PRKAR1B: variants seen among roughly 807,000 people sequenced by gnomAD.
The protein encoded by PRKAR1B is cAMP-dependent protein kinase type I-beta regulatory subunit.
Under a neutral mutation model 46.5 loss-of-function variants are expected in PRKAR1B, and 22 were observed. That is an observed-to-expected ratio of 0.47 (90% CI 0.34 to 0.68). PRKAR1B has a LOEUF of 0.68. Among genes scored for constraint, PRKAR1B ranks in the 30% least tolerant of loss-of-function variants. PRKAR1B has a pLI of 0.01. For synonymous variants in PRKAR1B, 259 were observed against 217.7 expected (o/e 1.19, Z -1.67); for missense variants, 445 against 535.6 (o/e 0.83, Z 1.67).
rs957096760 is a variant in PRKAR1B, at chr7:727,107, G to A, written c.-23+103C>T. The A allele has an allele frequency of 4.5e-6, 5 of 1,099,212 alleles. No individual in the cohort carries two copies. The highest frequency in any genetic ancestry group is 5.5e-6 in the Non-Finnish European group (5 of 906,378). 68.1% of individuals were successfully genotyped at this position (1,099,212 alleles called of 1,614,324 possible). On this transcript the variant is annotated intron_variant, in intron 1 of 10. Coordinates refer to ENST00000537384, the MANE Select transcript of PRKAR1B (RefSeq NM_001164760.2). ...TCGCCGCGCGCTTGGCCGGCCCCGT[G>A]CCCGCGCGCCGCCCGCCCGAGGCCT...
rs761841270 is a variant in PRKAR1B, at chr7:680,658, C to T, written c.246G>A (p.Val82=). The change falls in exon 3 of 11, where the codon GTG becomes GTA. Residue 82 remains valine, a synonymous_variant. Transcript: ENST00000537384. The part of the protein sequence containing the change: ...NSQSDSHDEE[V]SPTPPNPVVK... ...CCACAGGGTTCGGGGGGGTGGGCGACACCTCCTCATCATGGGAGTCCGACT... is the reference window on the plus strand; with the variant it reads ...CCACAGGGTTCGGGGGGGTGGGCGATACCTCCTCATCATGGGAGTCCGACT... The T allele has an allele frequency of 1.2e-6, 2 of 1,613,506 alleles. No individual in the cohort carries two copies. The highest frequency in any genetic ancestry group is 1.1e-5 in the South Asian group (1 of 91,044).
intron 2 of PRKAR1B, among the ~76,000 whole-genome samples, chr7:690,420 C>CG (rs1255455693): frequency 6.6e-6 from 1 of 151,832 alleles, no homozygotes; most frequent in East Asian, 1.9e-4. Context: ...CGCATCCCCA[C>CG]GTAACAAACC....
intron 6 of PRKAR1B, among the ~76,000 whole-genome samples, chr7:596,651 G>A (rs751152919): frequency 3.5e-4 from 53 of 152,246 alleles, no homozygotes; most frequent in Non-Finnish European, 7.2e-4. Flanking sequence ...GGCAGTGTCT[G>A]ATTCAATCCG....
At chr7:700,843 G>T (rs1780018000) in intron 2 of PRKAR1B, among the ~76,000 whole-genome samples, 1 of 152,194 alleles carries the variant, frequency 6.6e-6, no homozygotes, top group Admixed American at 6.5e-5. Context: ...GGATATGACA[G>T]AGGAAAGACC....
At chr7:635,782 T>A (rs1475508508) in intron 4 of PRKAR1B, among the ~76,000 whole-genome samples, 1 of 152,064 alleles carries the variant, frequency 6.6e-6, no homozygotes, top group African/African-American at 2.4e-5. Flanking sequence ...GTGAATGAGC[T>A]TTGGAGGCAG....
chr7:609,228 TC>T (rs1218366967), intron 4 of PRKAR1B, among the ~76,000 whole-genome samples: 5 of 152,178 alleles, frequency 3.3e-5, no homozygotes, highest in Non-Finnish European at 7.4e-5. Flanking sequence ...CTGGCACCGT[TC>T]TCTAAACTGC....
rs900757872 is a variant in PRKAR1B at position 727,024 on chromosome 7, C to T, written c.-23+186G>A. 1.3e-5 allele frequency: 16 copies of T among 1,186,726 alleles called. No individual in the cohort carries two copies. The African/African-American group carries it at 2.3e-4, about 17-fold the overall frequency. 73.5% of individuals were successfully genotyped at this position (1,186,726 alleles called of 1,614,324 possible). A position where few individuals can be genotyped will look rare whatever the true frequency, so the allele number is the denominator to read the frequency against. On this transcript the variant is annotated intron_variant, in intron 1 of 10. Coordinates refer to ENST00000537384, the MANE Select transcript of PRKAR1B (RefSeq NM_001164760.2). ...CGCGCTGGCAGTGCACCTGCTGGAT[C>T]TGGGCCTGCGCCGCGCCGCGCGGCC...
At chr7:650,176 G>A (rs1045125591) in intron 4 of PRKAR1B, among the ~76,000 whole-genome samples, 2 of 152,114 alleles carry the variant, frequency 1.3e-5, no homozygotes, top group African/African-American at 4.8e-5. Flanking sequence ...ACTGCAATCT[G>A]TGCAGGCAGG....
chr7:581,078 C>T lies in PRKAR1B; in HGVS notation c.770-1701G>A, dbSNP rs569463272. 3.3e-5 allele frequency among the ~76,000 whole-genome samples: 5 copies of T among 152,134 alleles called. No individual in the cohort carries two copies. In the South Asian group the frequency reaches 8.3e-4, roughly 25 times the overall value. On this transcript the variant is annotated intron_variant, in intron 8 of 10. Transcript: ENST00000537384. Reference sequence around the variant, plus strand: ...CAGCACTTTGGGAGGCCGAGGCGGGCGGATCACGAGGTCAGGAGATCGAGA... The same window carrying T: ...CAGCACTTTGGGAGGCCGAGGCGGGTGGATCACGAGGTCAGGAGATCGAGA...
upstream of PRKAR1B, among the ~76,000 whole-genome samples, chr7:728,049 G>A (rs939536322): frequency 3.3e-5 from 5 of 151,890 alleles, no homozygotes; most frequent in Non-Finnish European, 7.4e-5. Flanking sequence ...CTGCCTTTCC[G>A]CTCTGGCTTG....
intron 8 of PRKAR1B, among the ~76,000 whole-genome samples, chr7:582,887 C>T (rs150826738): frequency 7.9e-5 from 12 of 152,230 alleles, no homozygotes; most frequent in Admixed American, 7.8e-4. Flanking sequence ...CCTCTCGGCC[C>T]CTATAAAATC....
chr7:587,605 C>T (rs188075106), intron 7 of PRKAR1B, among the ~76,000 whole-genome samples: 140 of 152,370 alleles, frequency 9.2e-4, no homozygotes, highest in African/African-American at 3.0e-3. Context: ...CCAAAGGTGG[C>T]CCCATCACAT....
At chr7:685,262 ATATATACG>A (rs553741616) in intron 2 of PRKAR1B, among the ~76,000 whole-genome samples, 555 of 17,272 alleles carry the variant, frequency 0.032, 46 homozygotes, top group African/African-American at 0.053. Flanking sequence ...TTATATATAC[ATATATACG>A]TATATATACG....
rs1234719362 is a variant in PRKAR1B, at chr7:723,035, TGAAA to T, written c.-23+4171_-23+4174del. Among the ~76,000 whole-genome samples the T allele has an allele frequency of 1.2e-4, 18 of 152,202 alleles. No individual in the cohort carries two copies. In the East Asian group the frequency reaches 3.5e-3, roughly 29 times the overall value. On this transcript the variant is annotated intron_variant, in intron 1 of 10. Coordinates refer to ENST00000537384, the MANE Select transcript of PRKAR1B (RefSeq NM_001164760.2). ...TTCCCATGGGTGCTGCCTGCAGGGG[TGAAA>T]GGTACCTCCCTGGGCCGCCTGGTGT... is the stretch of plus-strand genomic sequence containing the variant.
chr7:632,542 C>G (rs985958086), intron 4 of PRKAR1B, among the ~76,000 whole-genome samples: 1 of 152,248 alleles, frequency 6.6e-6, no homozygotes, highest in African/African-American at 2.4e-5. Flanking sequence ...AGGAGCCATT[C>G]TCTTCTGTGG....
At chr7:631,717 T>C (rs1415908498) in intron 4 of PRKAR1B, among the ~76,000 whole-genome samples, 1 of 151,222 alleles carries the variant, frequency 6.6e-6, no homozygotes, top group Non-Finnish European at 1.5e-5. Flanking sequence ...ACTTTGGGAG[T>C]CCGAGGAGAG....
intron 8 of PRKAR1B, among the ~76,000 whole-genome samples, chr7:582,406 G>A (rs1036365984): frequency 9.2e-5 from 14 of 152,272 alleles, no homozygotes; most frequent in Non-Finnish European, 1.5e-4. Flanking sequence ...AGCTGCCTGC[G>A]GAGACACCGC....
intron 4 of PRKAR1B, 107 bp downstream of exon 4, chr7:677,122 G>A: frequency 9.3e-7 from 1 of 1,072,954 alleles, no homozygotes; most frequent in Non-Finnish European, 1.4e-6. Flanking sequence ...ACCTCCTGGA[G>A]GCCAGGGAGG....
intron 2 of PRKAR1B, chr7:691,876 A>G: frequency 1.7e-6 from 2 of 1,148,154 alleles, no homozygotes; most frequent in African/African-American, 1.6e-5. Context: ...CCATCTCACA[A>G]TCTCTCAGAA....
Sources: gnomAD v4.1 joint callset for allele counts (sites outside exome capture counted in the v4.1 genomes callset) on GRCh38, gnomAD v4.1.1 for gene constraint, MANE v1.5 for transcripts, NCBI Gene and HGNC (gene_info 2026-07-23, HGNC 2026-07-21) for gene names.